OSBPL11: variants seen among roughly 807,000 people sequenced by gnomAD.
OSBPL11 encodes oxysterol binding protein like 11, also known as oxysterol-binding protein-related protein 11.
A neutral mutation model predicts 84.4 loss-of-function variants in OSBPL11; 33 were observed. The observed-to-expected ratio is 0.39, with a 90% CI of 0.30 to 0.52. The LOEUF is 0.52. Ranked by LOEUF, OSBPL11 falls within the 20% of genes least tolerant of loss-of-function variation. The pLI is 0.72. For synonymous variants in OSBPL11, 276 were observed against 310.2 expected (o/e 0.89, Z 1.16); for missense variants, 736 against 901.1 (o/e 0.82, Z 2.35).
At chr3:125,584,994 G>C (rs1936484809) in intron 1 of OSBPL11, among the ~76,000 whole-genome samples, 1 of 152,126 alleles carries the variant, frequency 6.6e-6, no homozygotes, top group African/African-American at 2.4e-5. Flanking sequence ...TGCCCAGGCT[G>C]CTCTCAAACT....
intron 1 of OSBPL11, among the ~76,000 whole-genome samples, chr3:125,589,366 C>T (rs76121163): frequency 7.7e-6 from 1 of 129,348 alleles, no homozygotes; most frequent in Non-Finnish European, 1.7e-5. Flanking sequence ...AAAAACAAAA[C>T]AGAAAAGATA....
At chr3:125,586,499 C>T (rs1035812429) in intron 1 of OSBPL11, among the ~76,000 whole-genome samples, 1 of 151,642 alleles carries the variant, frequency 6.6e-6, no homozygotes, top group African/African-American at 2.4e-5. Context: ...ATCTCCATTA[C>T]TATAACATAC....
Position 125,563,304 on chromosome 3 carries a change from ATG to A in OSBPL11, c.1014+392_1014+393del, listed in dbSNP as rs1170071244. Reference sequence around the variant, plus strand: ...CAACTGGCTTGGTAAAGTGCTTACTATGAAAAAGACTCAACTTTTAAGATTAT... The same window carrying A: ...CAACTGGCTTGGTAAAGTGCTTACTAAAAAAGACTCAACTTTTAAGATTAT... On this transcript the variant is annotated intron_variant, in intron 7 of 12. Transcript: ENST00000296220. 2.8e-4 allele frequency among the ~76,000 whole-genome samples: 43 copies of A among 152,338 alleles called. 1 individual carries two copies. The Middle Eastern group carries it at 0.027, about 97-fold the overall frequency.
intron 12 of OSBPL11, among the ~76,000 whole-genome samples, chr3:125,530,959 C>T (rs1935546090): frequency 6.6e-6 from 1 of 150,422 alleles, no homozygotes; most frequent in Admixed American, 6.7e-5. Context: ...TCCACTGGCA[C>T]CCCAGAACTC....
chr3:125,540,281 A>T (rs1202937508), intron 10 of OSBPL11, among the ~76,000 whole-genome samples: 3 of 140,444 alleles, frequency 2.1e-5, no homozygotes, highest in Non-Finnish European at 4.5e-5. Flanking sequence ...GTGAGCCAAG[A>T]TTGCACTATT....
At chr3:125,542,653 C>T (rs1331976259) in intron 10 of OSBPL11, among the ~76,000 whole-genome samples, 1 of 152,010 alleles carries the variant, frequency 6.6e-6, no homozygotes, top group Non-Finnish European at 1.5e-5. Context: ...GGACTACAGG[C>T]GCCTGCTACT....
intron 9 of OSBPL11, 97 bp from the exon 10 acceptor site, chr3:125,547,689 CATT>C: frequency 1.1e-6 from 1 of 929,702 alleles, no homozygotes; most frequent in Non-Finnish European, 1.6e-6. Context: ...AAATAAGCAT[CATT>C]ATTTTTCCTA....
chr3:125,553,968 C>T (rs1935953444), intron 8 of OSBPL11, among the ~76,000 whole-genome samples: 1 of 152,184 alleles, frequency 6.6e-6, no homozygotes, highest in Non-Finnish European at 1.5e-5. Flanking sequence ...AAAGCTGAAA[C>T]TTAGGCAGTA....
rs183830842 is a variant in OSBPL11, at chr3:125,575,333, A to C, written c.666+856T>G. Among the ~76,000 whole-genome samples the C allele has an allele frequency of 6.6e-5, 10 of 151,548 alleles. No homozygotes were observed. In the East Asian group the frequency reaches 1.4e-3, roughly 20 times the overall value. On this transcript the variant is annotated intron_variant, in intron 5 of 12. Transcript: ENST00000296220. ...TGATTCTATATGTTTGAAATGTTCT[A>C]TATATATATATCCATTTCTATATAT... is the stretch of plus-strand genomic sequence containing the variant.
In OSBPL11 at chr3:125,585,043, G is replaced by C. The variant is rs369778544; in HGVS notation, c.165-2065C>G. On this transcript the variant is annotated intron_variant, in intron 1 of 12. Transcript: ENST00000296220. ...GATCTTTCCACTTTGGCTTCCTAAA[G>C]TGTTGGGATTACAGGCATGAGCCAC... Among the ~76,000 whole-genome samples, 5 of 152,276 alleles carry C rather than the reference G, an allele frequency of 3.3e-5. No individual in the cohort carries two copies. The South Asian group carries it at 6.2e-4, about 19-fold the overall frequency.
At position 125,539,263 on chromosome 3, in the gene OSBPL11, C is replaced by A. The variant is rs183064896; in HGVS notation, c.1842-630G>T. Among the ~76,000 whole-genome samples, 4 of 135,448 alleles carry A rather than the reference C, an allele frequency of 3.0e-5. No homozygotes were observed. The East Asian group carries it at 8.6e-4, about 29-fold the overall frequency. The allele number at this position is 135,448 out of a possible 152,430, so 88.9% of individuals were successfully genotyped here. On this transcript the variant is annotated intron_variant, in intron 10 of 12. Transcript: ENST00000296220. ...ACAGAACTCAGAGAGACCTTAAACA[C>A]TACTGCTATTGAAGTTTAATGAAGA...
chr3:125,536,416 T>C (rs1044157348), intron 11 of OSBPL11, among the ~76,000 whole-genome samples: 21 of 152,198 alleles, frequency 1.4e-4, no homozygotes, highest in East Asian at 5.8e-4. Flanking sequence ...TACTGGTTCA[T>C]TGAGTTATGC....
At chr3:125,564,355 T>A (rs1215345487) in intron 6 of OSBPL11, among the ~76,000 whole-genome samples, 1 of 152,178 alleles carries the variant, frequency 6.6e-6, no homozygotes, top group Non-Finnish European at 1.5e-5. Context: ...TTCGAAATCA[T>A]TTTTTAAAAA....
chr3:125,571,803 G>A (rs1041602885), intron 5 of OSBPL11, among the ~76,000 whole-genome samples: 2 of 152,264 alleles, frequency 1.3e-5, no homozygotes, highest in African/African-American at 4.8e-5. Context: ...GTCTGCTGCA[G>A]GAGCAGGGCT....
At chr3:125,591,864 A>G (rs1385715601) in intron 1 of OSBPL11, among the ~76,000 whole-genome samples, 2 of 152,112 alleles carry the variant, frequency 1.3e-5, no homozygotes, top group Admixed American at 6.6e-5. Context: ...TTAGCTGGGC[A>G]TGGTGGTGTA....
intron 11 of OSBPL11, among the ~76,000 whole-genome samples, chr3:125,536,790 A>G (rs1255760784): frequency 2.6e-5 from 4 of 152,178 alleles, no homozygotes; most frequent in Non-Finnish European, 4.4e-5. Context: ...CTTCCTCCAG[A>G]TAACTACTAT....
chr3:125,571,759 G>A (rs1936246453), intron 5 of OSBPL11, among the ~76,000 whole-genome samples: 1 of 152,200 alleles, frequency 6.6e-6, no homozygotes, highest in East Asian at 1.9e-4. Context: ...AGATTTCAGA[G>A]AATGTAAGGA....
intron 5 of OSBPL11, among the ~76,000 whole-genome samples, chr3:125,572,974 G>A (rs1218213518): frequency 1.4e-5 from 2 of 146,334 alleles, no homozygotes; most frequent in East Asian, 3.9e-4. Context: ...AATATAGTAA[G>A]ATATATATCT....
intron 1 of OSBPL11, among the ~76,000 whole-genome samples, chr3:125,593,918 C>G (rs188601728): frequency 3.9e-4 from 59 of 152,128 alleles, no homozygotes; most frequent in Non-Finnish European, 7.1e-4. Flanking sequence ...ATAGTTCTTT[C>G]TCCCTACACT....
Sources: gnomAD v4.1 joint callset for allele counts (sites outside exome capture counted in the v4.1 genomes callset) on GRCh38, gnomAD v4.1.1 for gene constraint, MANE v1.5 for transcripts, NCBI Gene and HGNC (gene_info 2026-07-23, HGNC 2026-07-21) for gene names.